The following MBNL2 variants were observed in gnomAD, a reference collection of about 807,000 sequenced individuals.
MBNL2 encodes muscleblind-like protein 2.
In MBNL2, 17 loss-of-function variants were observed where a neutral mutation model predicts 41.9. The observed-to-expected ratio is 0.41, with a 90% confidence interval of 0.28 to 0.61. The LOEUF (loss-of-function observed/expected upper bound fraction) is 0.61. Among genes scored for constraint, MBNL2 ranks in the 20% least tolerant of loss-of-function variants. MBNL2 has a pLI of 0.35. For missense variants in MBNL2, 336 were observed against 505.6 expected (o/e 0.66, Z 3.22); for synonymous variants, 195 against 182.9 (o/e 1.07, Z -0.53).
the MBNL2 span, among the ~76,000 whole-genome samples, chr13:97,204,859 A>G: frequency 0.04 from 6,032 of 152,164 alleles, 388 homozygotes; most frequent in African/African-American, 0.14. Context: ...AAATCACCTG[A>G]GGTCAGGAGT....
At chr13:97,380,176 C>G (rs552721233) in intron 8 of MBNL2, among the ~76,000 whole-genome samples, 1 of 152,244 alleles carries the variant, frequency 6.6e-6, no homozygotes, top group South Asian at 2.1e-4. Flanking sequence ...ATCTTTATAT[C>G]TTCTCTCAAC....
the MBNL2 span, among the ~76,000 whole-genome samples, chr13:97,212,930 T>C: frequency 6.6e-6 from 1 of 152,138 alleles, no homozygotes; most frequent in Non-Finnish European, 1.5e-5. Flanking sequence ...CATAGGTCAC[T>C]AGACAGCTAC....
chr13:97,155,462 C>T, the MBNL2 span, among the ~76,000 whole-genome samples: 81 of 148,814 alleles, frequency 5.4e-4, no homozygotes, highest in African/African-American at 1.7e-3. Flanking sequence ...TAGTTACATA[C>T]GTATACATGT....
chr13:97,376,531 G>A (rs1009678718), intron 8 of MBNL2, among the ~76,000 whole-genome samples: 3 of 152,268 alleles, frequency 2.0e-5, no homozygotes, highest in East Asian at 3.9e-4. Flanking sequence ...TTTTACTTTC[G>A]ATAATCAAAT....
rs1485122659 is a variant in MBNL2 at position 97,334,293 on chromosome 13, G to A, written c.192G>A (p.Glu64=). The change falls in exon 3 of 9, where the codon GAG becomes GAA. Residue 64 remains glutamate, a synonymous_variant. Coordinates refer to ENST00000679496, the MANE Select transcript of MBNL2 (RefSeq NM_001382683.1). This position sits in a 1 kb window ranked among gnomAD's most constrained non-coding sequence, Gnocchi z 5.3. ...TTTTACAGGGCCGTTGTTCGAGAGA[G>A]AACTGCAAGTATCTTCACCCTCCGA... is the stretch of plus-strand genomic sequence containing the variant. ...FDSLKGRCSR[E]NCKYLHPPTH... is the part of the protein sequence containing the mutation. The A allele has an allele frequency of 1.2e-6, 2 of 1,611,696 alleles. No individual in the cohort carries two copies. The highest frequency in any genetic ancestry group is 2.2e-5 in the South Asian group (2 of 90,514).
At chr13:97,300,732 C>T (rs1044730872) in intron 2 of MBNL2, among the ~76,000 whole-genome samples, 2 of 152,200 alleles carry the variant, frequency 1.3e-5, no homozygotes, top group South Asian at 2.1e-4. Flanking sequence ...CACCATTGAT[C>T]TGCTTCAAAA....
chr13:97,319,449 G>A (rs60087275), intron 2 of MBNL2, among the ~76,000 whole-genome samples: 1,859 of 152,224 alleles, frequency 0.012, 46 homozygotes, highest in African/African-American at 0.042. Context: ...GGTGATAGAA[G>A]ACTCCAGCTG....
intron 2 of MBNL2, among the ~76,000 whole-genome samples, chr13:97,292,906 T>C (rs2056403712): frequency 1.3e-5 from 2 of 152,154 alleles, no homozygotes; most frequent in Admixed American, 1.3e-4. Flanking sequence ...TAAATATGAC[T>C]ACATAGATAA....
intron 2 of MBNL2, among the ~76,000 whole-genome samples, chr13:97,333,968 A>AAGGGAGGG (rs71733629): frequency 1.2e-3 from 144 of 124,496 alleles, no homozygotes; most frequent in Middle Eastern, 7.9e-3. Context: ...GGAAGGAAGG[A>AAGGGAGGG]AGGGAGGGAG....
At chr13:97,354,891 T>A (rs567134194) in intron 5 of MBNL2, among the ~76,000 whole-genome samples, 1 of 152,142 alleles carries the variant, frequency 6.6e-6, no homozygotes, top group Non-Finnish European at 1.5e-5. Flanking sequence ...CCAAAATGAT[T>A]TTGAGTTTAA....
chr13:97,164,048 C>T, the MBNL2 span, among the ~76,000 whole-genome samples: 1 of 152,108 alleles, frequency 6.6e-6, no homozygotes, highest in Non-Finnish European at 1.5e-5. Flanking sequence ...GCTCTGTCAC[C>T]CAGGCTGGAG....
At chr13:97,199,583 A>T in the MBNL2 span, among the ~76,000 whole-genome samples, 3 of 152,366 alleles carry the variant, frequency 2.0e-5, no homozygotes, top group East Asian at 5.8e-4. Flanking sequence ...ACATTTAAAA[A>T]ATGCTGTGGG....
the MBNL2 span, among the ~76,000 whole-genome samples, chr13:97,163,801 T>G: frequency 6.6e-6 from 1 of 151,950 alleles, no homozygotes; most frequent in Non-Finnish European, 1.5e-5. Context: ...GGTGTCCTTA[T>G]AAGAAAAAGG....
At chr13:97,212,691 C>T in the MBNL2 span, among the ~76,000 whole-genome samples, 1 of 152,148 alleles carries the variant, frequency 6.6e-6, no homozygotes, top group Non-Finnish European at 1.5e-5. Context: ...ATAATAGTGT[C>T]ATGGATTTCA....
upstream of MBNL2, chr13:97,222,187 C>A: frequency 2.6e-6 from 1 of 380,992 alleles, no homozygotes; most frequent in Non-Finnish European, 4.6e-6. Flanking sequence ...TGTTTTTACA[C>A]ACTGCAAGTG....
chr13:97,326,961 A>C (rs1231765216), intron 2 of MBNL2, among the ~76,000 whole-genome samples: 2 of 152,152 alleles, frequency 1.3e-5, no homozygotes, highest in African/African-American at 4.8e-5. Flanking sequence ...GACCTGTATA[A>C]ATGGACTAAT....
At chr13:97,191,537 A>G in the MBNL2 span, among the ~76,000 whole-genome samples, 1 of 151,916 alleles carries the variant, frequency 6.6e-6, no homozygotes, top group African/African-American at 2.4e-5. Context: ...TGAGGTTATT[A>G]ACACAAGCTA....
At chr13:97,363,975 A>G (rs1441163084) in intron 7 of MBNL2, among the ~76,000 whole-genome samples, 1 of 152,146 alleles carries the variant, frequency 6.6e-6, no homozygotes, top group Non-Finnish European at 1.5e-5. Flanking sequence ...GCACTCCTAC[A>G]TTTACGAGAA....
At chr13:97,253,778 G>A (rs1054035704) in intron 1 of MBNL2, among the ~76,000 whole-genome samples, 11 of 146,136 alleles carry the variant, frequency 7.5e-5, no homozygotes, top group Non-Finnish European at 1.3e-4. Flanking sequence ...TTATTAATAC[G>A]TATTAATAAG....
Sources: gnomAD v4.1 joint callset for allele counts (sites outside exome capture counted in the v4.1 genomes callset) on GRCh38, gnomAD v4.1.1 for gene constraint, Gnocchi (gnomAD v3.1) non-coding constraint, MANE v1.5 for transcripts, NCBI Gene and HGNC (gene_info 2026-07-23, HGNC 2026-07-21) for gene names.